Variants in STAB2 observed in about 807,000 individuals in gnomAD.
STAB2 encodes stabilin 2, also known as stabilin-2.
In STAB2, 288 loss-of-function variants were observed where a neutral mutation model predicts 338.1. That is an observed-to-expected ratio of 0.85 (90% confidence interval 0.77 to 0.94). STAB2 has a LOEUF of 0.94. Among genes scored for constraint, STAB2 ranks in the 40% least tolerant of loss-of-function variants. STAB2 has a pLI of 0.00. For synonymous variants in STAB2, 1,202 were observed against 1,193.3 expected (o/e 1.01, Z -0.15); for missense variants, 3,141 against 3,210.1 (o/e 0.98, Z 0.52).
chr12:103,687,546 C>T (rs1566015919), intron 27 of STAB2, among the ~76,000 whole-genome samples: 1 of 152,096 alleles, frequency 6.6e-6, no homozygotes, highest in African/African-American at 2.4e-5. Flanking sequence ...TAGAGAGAGC[C>T]ATATGGGTAA....
At chr12:103,685,823 C>A (rs1275622110) in intron 27 of STAB2, among the ~76,000 whole-genome samples, 2 of 152,108 alleles carry the variant, frequency 1.3e-5, no homozygotes, top group African/African-American at 4.8e-5. Flanking sequence ...GTAAAATATA[C>A]ATATATAATT....
chr12:103,647,470 C>T (rs1394311943), intron 9 of STAB2, among the ~76,000 whole-genome samples: 2 of 152,318 alleles, frequency 1.3e-5, no homozygotes, highest in Non-Finnish European at 2.9e-5. Context: ...CTGGAATGTT[C>T]TTCCCTTACT....
At chr12:103,612,045 C>T (rs1348620663) in intron 3 of STAB2, among the ~76,000 whole-genome samples, 1 of 152,348 alleles carries the variant, frequency 6.6e-6, no homozygotes, top group Non-Finnish European at 1.5e-5. Flanking sequence ...AGAGTTTCTG[C>T]TGAGATATCC....
At chr12:103,715,727 G>T (rs541827088) in intron 42 of STAB2, 88 bp from the exon 43 acceptor site, 1 of 1,484,094 alleles carries the variant, frequency 6.7e-7, no homozygotes, top group African/African-American at 1.4e-5. Context: ...CCTTCAGTCA[G>T]TTAGCCATCT....
Position 103,671,102 on chromosome 12 carries a change from G to C in STAB2, c.2371+295G>C, listed in dbSNP as rs560929568. On this transcript the variant is annotated intron_variant, in intron 22 of 68. Transcript: ENST00000388887. The stretch of plus-strand genomic sequence containing the variant: ...GCTGGTCTGGGAAGCACACTTTGAA[G>C]ACCACTCTCCAAAAGTTTCTCCACA... 2.6e-5 allele frequency among the ~76,000 whole-genome samples: 4 copies of C among 152,278 alleles called. No individual in the cohort carries two copies. The East Asian group carries it at 7.7e-4, about 29-fold the overall frequency.
intron 12 of STAB2, 137 bp from the exon 13 acceptor site, chr12:103,654,418 A>T: frequency 1.1e-6 from 1 of 906,888 alleles, no homozygotes; most frequent in Non-Finnish European, 1.6e-6. Flanking sequence ...TCCCCACTTT[A>T]GATTAAGTGA....
At chr12:103,749,248 G>C (rs905636170) in intron 59 of STAB2, 92 bp downstream of exon 59, 1 of 1,330,646 alleles carries the variant, frequency 7.5e-7, no homozygotes. Context: ...CTTATCTCCT[G>C]GACTCTTCCT....
chr12:103,606,949 A>C (rs1213075200), intron 3 of STAB2, among the ~76,000 whole-genome samples: 1 of 152,134 alleles, frequency 6.6e-6, no homozygotes, highest in Non-Finnish European at 1.5e-5. Context: ...ATGCGACTGC[A>C]CTCCAGCCTG....
At chr12:103,618,209 G>T (rs1241149175) in intron 3 of STAB2, among the ~76,000 whole-genome samples, 5 of 152,152 alleles carry the variant, frequency 3.3e-5, no homozygotes, top group Non-Finnish European at 5.9e-5. Context: ...AAAAGTCTTT[G>T]GGAGGTGATT....
At chr12:103,648,538 T>G in intron 9 of STAB2, 152 bp from the exon 10 acceptor site, 1 of 920,348 alleles carries the variant, frequency 1.1e-6, no homozygotes, top group Non-Finnish European at 1.6e-6. Flanking sequence ...GAGGAGCTAC[T>G]AGATGTCAGA....
At chr12:103,753,972 C>G (rs1448109686) in intron 61 of STAB2, among the ~76,000 whole-genome samples, 2 of 152,156 alleles carry the variant, frequency 1.3e-5, no homozygotes, top group Non-Finnish European at 2.9e-5. Context: ...TCAGGTGCTG[C>G]TCTCTTAACC....
intron 63 of STAB2, among the ~76,000 whole-genome samples, chr12:103,756,069 T>C (rs1398238854): frequency 1.3e-5 from 2 of 152,202 alleles, no homozygotes; most frequent in African/African-American, 4.8e-5. Context: ...TCATCTCTGT[T>C]TGTATGTGGA....
At chr12:103,599,166 G>T (rs909648526) in intron 3 of STAB2, among the ~76,000 whole-genome samples, 3 of 152,204 alleles carry the variant, frequency 2.0e-5, no homozygotes, top group East Asian at 3.8e-4. Context: ...AACAAAGGTG[G>T]TGACATGGAA....
In STAB2 at chr12:103,731,494, CT is replaced by C. The variant is rs1279601754; in HGVS notation, c.5224-75del. 3.6e-5 allele frequency: 54 copies of C among 1,484,644 alleles called. No homozygotes were observed. The Middle Eastern group carries it at 7.4e-4, about 20-fold the overall frequency. 92.0% of individuals were successfully genotyped at this position (1,484,644 alleles called of 1,614,324 possible). The stretch of plus-strand genomic sequence containing the variant: ...TATCCGTCAGGTTATGTTACCTTTA[CT>C]TTTTTTCACTTGAGCTCTTGTTAAA... On this transcript the variant is annotated intron_variant, in intron 49 of 68. Transcript: ENST00000388887.
intron 3 of STAB2, among the ~76,000 whole-genome samples, chr12:103,601,349 T>G (rs1435961023): frequency 6.6e-6 from 1 of 152,086 alleles, no homozygotes; most frequent in Non-Finnish European, 1.5e-5. Flanking sequence ...CCCAGCACTT[T>G]GGGAGGCCAA....
At position 103,631,707 on chromosome 12, in the gene STAB2, G is replaced by C; in HGVS notation, c.583+14G>C. On this transcript the variant is annotated intron_variant, in intron 6 of 68. Transcript: ENST00000388887. The stretch of plus-strand genomic sequence containing the variant: ...AGTGTGACAAGCGTAAGTACTGCTA[G>C]TTCCCTTAATGCCACACCAGATCAA... The C allele has an allele frequency of 6.2e-7, 1 of 1,612,508 alleles. No individual in the cohort carries two copies. Among genetic ancestry groups the C allele is most frequent in the Non-Finnish European group, 8.5e-7 (1 of 1,178,528 alleles).
intron 6 of STAB2, among the ~76,000 whole-genome samples, chr12:103,633,849 A>G (rs1289664252): frequency 6.6e-6 from 1 of 152,190 alleles, no homozygotes; most frequent in Non-Finnish European, 1.5e-5. Flanking sequence ...ATCTGTGGGT[A>G]TGAGAAAAAT....
intron 38 of STAB2, 87 bp downstream of exon 38, chr12:103,707,074 C>G: frequency 5.5e-6 from 8 of 1,459,772 alleles, no homozygotes; most frequent in Non-Finnish European, 6.4e-6. Context: ...CACGTGCTCT[C>G]TAGCTGGCCT....
At chr12:103,744,455 AT>A (rs1404441319) in intron 56 of STAB2, among the ~76,000 whole-genome samples, 1 of 129,420 alleles carries the variant, frequency 7.7e-6, no homozygotes, top group Non-Finnish European at 1.6e-5. Flanking sequence ...CCTGGCCACA[AT>A]TTTACTTTTT....
Sources: gnomAD v4.1 joint callset for allele counts (sites outside exome capture counted in the v4.1 genomes callset) on GRCh38, gnomAD v4.1.1 for gene constraint, MANE v1.5 for transcripts, NCBI Gene and HGNC (gene_info 2026-07-23, HGNC 2026-07-21) for gene names.